The following NBEA variants were observed in gnomAD, a reference collection of about 807,000 sequenced individuals.
The protein encoded by NBEA is neurobeachin.
In NBEA, 44 loss-of-function variants were observed where a neutral mutation model predicts 343.4. That is an observed-to-expected ratio of 0.13 (90% CI 0.10 to 0.16). NBEA has a LOEUF of 0.16. Among genes scored for constraint, NBEA ranks in the 10% least tolerant of loss-of-function variants. NBEA has a pLI of 1.00. For synonymous variants in NBEA, 1,175 were observed against 1,238.7 expected (o/e 0.95, Z 1.08); for missense variants, 2,555 against 3,631.3 (o/e 0.70, Z 7.62).
At chr13:35,052,730 GAAA>G (rs1022100544) in intron 6 of NBEA, among the ~76,000 whole-genome samples, 4 of 151,848 alleles carry the variant, frequency 2.6e-5, no homozygotes, top group African/African-American at 9.7e-5. Context: ...GTGTACCAAG[GAAA>G]GAGAAAAGTT....
chr13:35,370,751 G>A (rs2152883210), intron 38 of NBEA, among the ~76,000 whole-genome samples: 1 of 152,086 alleles, frequency 6.6e-6, no homozygotes, highest in East Asian at 1.9e-4. Context: ...ATTGGAGATA[G>A]CATTCTTTTG....
At chr13:35,082,741 C>G (rs1197663353) in intron 10 of NBEA, among the ~76,000 whole-genome samples, 2 of 152,198 alleles carry the variant, frequency 1.3e-5, no homozygotes, top group Non-Finnish European at 2.9e-5. Context: ...TGTTCATATA[C>G]TTCTCCCACT....
intron 38 of NBEA, among the ~76,000 whole-genome samples, chr13:35,369,926 A>T (rs142752169): frequency 2.6e-4 from 40 of 151,902 alleles, no homozygotes; most frequent in African/African-American, 8.9e-4. Context: ...TCTTGTTGAG[A>T]CTTATTTTGT....
At chr13:35,503,200 A>G (rs2076952349) in intron 41 of NBEA, among the ~76,000 whole-genome samples, 1 of 151,762 alleles carries the variant, frequency 6.6e-6, no homozygotes, top group African/African-American at 2.4e-5. Flanking sequence ...TTCTAATATA[A>G]AAGTAATACT....
At chr13:35,425,656 A>C (rs1243434426) in intron 38 of NBEA, among the ~76,000 whole-genome samples, 2 of 152,166 alleles carry the variant, frequency 1.3e-5, no homozygotes, top group Non-Finnish European at 2.9e-5. Context: ...GTAGATGTCT[A>C]TTAGGTCCTC....
intron 36 of NBEA, among the ~76,000 whole-genome samples, chr13:35,319,403 G>A (rs1342821083): frequency 6.6e-6 from 1 of 152,120 alleles, no homozygotes; most frequent in African/African-American, 2.4e-5. Context: ...GTAGTTGTGT[G>A]GTTTTAAGTG....
At chr13:35,109,220 T>C in intron 11 of NBEA, 70 bp from the exon 12 acceptor site, 2 of 1,383,956 alleles carry the variant, frequency 1.4e-6, no homozygotes, top group Non-Finnish European at 1.9e-6. Flanking sequence ...TGTGTCCTTA[T>C]GCTAAATCAG....
chr13:35,663,573 A>G (rs2085205438), intron 55 of NBEA, among the ~76,000 whole-genome samples: 1 of 152,204 alleles, frequency 6.6e-6, no homozygotes, highest in Non-Finnish European at 1.5e-5. Flanking sequence ...GCTGCAGTCA[A>G]CACAGGGGTG....
In NBEA at chr13:35,068,877, T is replaced by A. The variant is rs543910482; in HGVS notation, c.1240-1031T>A. Among the ~76,000 whole-genome samples, 4 of 152,288 alleles carry A rather than the reference T, an allele frequency of 2.6e-5. No individual in the cohort carries two copies. In the South Asian group the frequency reaches 8.3e-4, roughly 32 times the overall value. The stretch of plus-strand genomic sequence containing the variant: ...ACTTGAGCTGAGGAGTGGGGGCCAC[T>A]TTTAGAAAGGACAAATCTTCTCTAG... On this transcript the variant is annotated intron_variant, in intron 8 of 58. Coordinates refer to ENST00000379939, the MANE Select transcript of NBEA (RefSeq NM_001385012.1).
intron 18 of NBEA, among the ~76,000 whole-genome samples, chr13:35,153,126 A>G (rs1593528145): frequency 7.3e-6 from 1 of 137,532 alleles, no homozygotes. Context: ...TCCACCTCCC[A>G]AGTTCACGCC....
intron 30 of NBEA, chr13:35,186,015 A>T (rs1234076524): frequency 1.3e-5 from 2 of 152,144 alleles, no homozygotes; most frequent in East Asian, 1.9e-4. Flanking sequence ...ATTTAATAAT[A>T]ATTATCGGCC....
rs201644398 is a variant in NBEA, at chr13:35,308,510, ATG to A, written c.5839-1014_5839-1013del. 5.7e-3 allele frequency among the ~76,000 whole-genome samples: 686 copies of A among 119,936 alleles called. 2 individuals carry two copies. Among genetic ancestry groups the A allele is most frequent in the Non-Finnish European group, 8.3e-3 (501 of 60,424 alleles). The allele number at this position is 119,936 out of a possible 152,430, so 78.7% of individuals were successfully genotyped here. A position where few individuals can be genotyped will look rare whatever the true frequency, so the allele number is the denominator to read the frequency against. On this transcript the variant is annotated intron_variant, in intron 35 of 58. Transcript: ENST00000379939. ...TGTGTATATATATGTGTATATATAT[ATG>A]TGTATATATGTATATATATGTATAT...
Position 35,628,199 on chromosome 13 carries a change from A to C in NBEA, c.7568A>C (p.Tyr2523Ser). ...RALNVFHYLTYEGSVNLDSIT... is the reference protein window; with the variant it reads ...RALNVFHYLTSEGSVNLDSIT... ...CTGAATGTTTTTCACTACTTGACTT[A>C]TGAAGGCTCTGTGAACCTGGATAGT... The change falls in exon 49 of 59, where the codon TAT (tyrosine) becomes TCT (serine). Residue 2523 changes from tyrosine (Y) to serine (S), a missense_variant. Tyr to Ser is a moderately radical substitution (Grantham distance 144). Transcript: ENST00000379939. 1.2e-6 allele frequency: 2 copies of C among 1,613,100 alleles called. No homozygotes were observed. The highest frequency in any genetic ancestry group is 1.7e-6 in the Non-Finnish European group (2 of 1,179,484).
chr13:35,320,396 T>G (rs917221768), intron 36 of NBEA, among the ~76,000 whole-genome samples: 2 of 152,234 alleles, frequency 1.3e-5, no homozygotes, highest in African/African-American at 2.4e-5. Context: ...TTGAAAATTC[T>G]TTACTTTAAG....
chr13:35,292,258 T>A (rs1433501090), intron 35 of NBEA, among the ~76,000 whole-genome samples: 1 of 151,946 alleles, frequency 6.6e-6, no homozygotes, highest in African/African-American at 2.4e-5. Context: ...AGGACACACA[T>A]ACCAAAAAAT....
intron 17 of NBEA, among the ~76,000 whole-genome samples, chr13:35,128,387 A>G (rs2067241161): frequency 6.6e-6 from 1 of 152,146 alleles, no homozygotes; most frequent in Non-Finnish European, 1.5e-5. Flanking sequence ...GGAGAAACAG[A>G]CAGTCACTTA....
At chr13:35,328,204 T>A in intron 36 of NBEA, among the ~76,000 whole-genome samples, 1 of 151,968 alleles carries the variant, frequency 6.6e-6, no homozygotes, top group East Asian at 1.9e-4. Flanking sequence ...CAAAATCAGT[T>A]ATAATAACAA....
At chr13:35,177,165 G>T in intron 28 of NBEA, 62 bp downstream of exon 28, 1 of 1,285,422 alleles carries the variant, frequency 7.8e-7, no homozygotes, top group South Asian at 1.3e-5. Context: ...TATGAAATAC[G>T]TTTTATAAGA....
chr13:35,201,100 A>G (rs914129977), intron 31 of NBEA, among the ~76,000 whole-genome samples: 3 of 152,050 alleles, frequency 2.0e-5, no homozygotes, highest in South Asian at 2.1e-4. Context: ...AGCCTTTACA[A>G]TTGAAATTTT....
Sources: gnomAD v4.1 joint callset for allele counts (sites outside exome capture counted in the v4.1 genomes callset) on GRCh38, gnomAD v4.1.1 for gene constraint, MANE v1.5 for transcripts, NCBI Gene and HGNC (gene_info 2026-07-23, HGNC 2026-07-21) for gene names.